Variants in GRID2 observed in about 807,000 individuals in gnomAD.
GRID2 encodes the protein glutamate receptor ionotropic, delta-2.
GRID2 carries 33 observed loss-of-function variants against 114.8 expected under a neutral mutation model. The ratio of observed to expected loss-of-function variants is 0.29; its 90% CI spans 0.22 to 0.38. The LOEUF (loss-of-function observed/expected upper bound fraction) is 0.38. Ranked by LOEUF, GRID2 falls within the 10% of genes least tolerant of loss-of-function variation. The probability of loss-of-function intolerance (pLI) is 1.00; values close to 1 mark genes in which losing one functional copy is unlikely to be tolerated. For synonymous variants in GRID2, 505 were observed against 449.9 expected, an observed-to-expected ratio of 1.12 and a Z score of -1.55; for missense variants, 1,184 against 1,257.7, an observed-to-expected ratio of 0.94 and a Z score of 0.89.
intron 2 of GRID2, among the ~76,000 whole-genome samples, chr4:93,052,057 T>C (rs1262658742): frequency 6.6e-6 from 1 of 152,090 alleles, no homozygotes; most frequent in Non-Finnish European, 1.5e-5. Context: ...TTTGTCAGTC[T>C]AGAATATAAT....
chr4:92,961,096 CT>C (rs1230805609), intron 2 of GRID2, among the ~76,000 whole-genome samples: 2 of 151,806 alleles, frequency 1.3e-5, no homozygotes, highest in African/African-American at 4.8e-5. Context: ...TAATTACCCC[CT>C]CCATTCTTTG....
At chr4:93,071,716 A>G (rs1327575850) in intron 2 of GRID2, among the ~76,000 whole-genome samples, 1 of 152,164 alleles carries the variant, frequency 6.6e-6, no homozygotes, top group Non-Finnish European at 1.5e-5. Flanking sequence ...TGATGGAAAC[A>G]GGAGTTTGGG....
chr4:92,843,226 A>T (rs572051165), intron 2 of GRID2, among the ~76,000 whole-genome samples: 59 of 152,224 alleles, frequency 3.9e-4, no homozygotes, highest in Non-Finnish European at 6.8e-4. Context: ...TGGGCGACAG[A>T]GTAAGACTCT....
chr4:92,802,039 A>G (rs1740198665), intron 2 of GRID2, among the ~76,000 whole-genome samples: 1 of 151,850 alleles, frequency 6.6e-6, no homozygotes. Context: ...TTTAAATTTT[A>G]TTAATTCTTA....
At chr4:92,341,099 A>C (rs1230462854) in intron 1 of GRID2, among the ~76,000 whole-genome samples, 1 of 152,208 alleles carries the variant, frequency 6.6e-6, no homozygotes, top group African/African-American at 2.4e-5. Flanking sequence ...TATACTATAC[A>C]GTATATGGTA....
chr4:93,713,261 G>A (rs1400985466), intron 14 of GRID2, among the ~76,000 whole-genome samples: 1 of 151,942 alleles, frequency 6.6e-6, no homozygotes, highest in Non-Finnish European at 1.5e-5. Flanking sequence ...CTCACCTCTA[G>A]CCTAGAGTAC....
chr4:93,516,128 C>T (rs930864279), intron 13 of GRID2, among the ~76,000 whole-genome samples: 2 of 152,068 alleles, frequency 1.3e-5, no homozygotes, highest in African/African-American at 4.8e-5. Flanking sequence ...TCATTGTTGA[C>T]ATTTAATAAA....
At chr4:93,075,548 A>G (rs1729188111) in intron 2 of GRID2, among the ~76,000 whole-genome samples, 1 of 152,172 alleles carries the variant, frequency 6.6e-6, no homozygotes, top group Non-Finnish European at 1.5e-5. Flanking sequence ...TTATTTGCAG[A>G]TGACATGATT....
intron 8 of GRID2, among the ~76,000 whole-genome samples, chr4:93,318,023 T>TATATA (rs1560493013): frequency 4.2e-5 from 3 of 70,810 alleles, no homozygotes; most frequent in Non-Finnish European, 1.0e-4. Context: ...ATATATATAT[T>TATATA]ACTACTTTCT....
intron 2 of GRID2, among the ~76,000 whole-genome samples, chr4:92,794,370 G>A (rs62310242): frequency 0.036 from 5,410 of 151,770 alleles, 110 homozygotes; most frequent in Non-Finnish European, 0.041. Context: ...ATATATATAT[G>A]TGTGTATATA....
intron 2 of GRID2, among the ~76,000 whole-genome samples, chr4:93,082,682 C>T (rs550171541): frequency 2.0e-5 from 3 of 152,230 alleles, no homozygotes; most frequent in African/African-American, 7.2e-5. Context: ...TTTCTGGCTG[C>T]AATTTTTGAT....
At chr4:93,468,936 G>T (rs1444147244) in intron 11 of GRID2, among the ~76,000 whole-genome samples, 1 of 152,046 alleles carries the variant, frequency 6.6e-6, no homozygotes, top group Non-Finnish European at 1.5e-5. Flanking sequence ...ACATGTTTAG[G>T]TAGATACATG....
chr4:92,652,852 T>A (rs1297657104), intron 2 of GRID2, among the ~76,000 whole-genome samples: 4 of 88,322 alleles, frequency 4.5e-5, no homozygotes. Context: ...AATATATATA[T>A]AATATATAAA....
At chr4:93,729,962 G>GTC (rs1248804453) in intron 14 of GRID2, among the ~76,000 whole-genome samples, 1 of 152,116 alleles carries the variant, frequency 6.6e-6, no homozygotes, top group African/African-American at 2.4e-5. Context: ...TCATCCCTGT[G>GTC]TCTCTAGGGC....
At chr4:92,986,606 G>T (rs1403800220) in intron 2 of GRID2, among the ~76,000 whole-genome samples, 5 of 152,076 alleles carry the variant, frequency 3.3e-5, no homozygotes, top group Non-Finnish European at 5.9e-5. Context: ...CCATGATTGT[G>T]CTAAGGTTGT....
intron 1 of GRID2, among the ~76,000 whole-genome samples, chr4:92,315,850 A>G (rs1429141026): frequency 2.6e-5 from 4 of 151,968 alleles, no homozygotes; most frequent in African/African-American, 9.7e-5. Flanking sequence ...GTGCGCCTGT[A>G]ATCCCAGCTA....
chr4:93,315,296 GAC>G (rs1349027411), intron 8 of GRID2, among the ~76,000 whole-genome samples: 1 of 152,058 alleles, frequency 6.6e-6, no homozygotes, highest in Non-Finnish European at 1.5e-5. Context: ...TTTGGGTGGA[GAC>G]ACAAAGCAAT....
chr4:93,026,767 C>T (rs540107287), intron 2 of GRID2, among the ~76,000 whole-genome samples: 10 of 151,692 alleles, frequency 6.6e-5, no homozygotes, highest in Non-Finnish European at 1.2e-4. Context: ...TTATGAATAC[C>T]TAAATTTAAG....
intron 1 of GRID2, among the ~76,000 whole-genome samples, chr4:92,396,843 ATAG>A (rs1349919640): frequency 6.6e-6 from 1 of 152,060 alleles, no homozygotes; most frequent in Non-Finnish European, 1.5e-5. Flanking sequence ...AAATTCCAAT[ATAG>A]TAGTGTTGAC....
Sources: allele counts gnomAD v4.1 joint callset (sites outside exome capture counted in the v4.1 genomes callset), GRCh38; gene constraint gnomAD v4.1.1; transcripts MANE v1.5; gene names NCBI Gene and HGNC (gene_info 2026-07-23, HGNC 2026-07-21).